PLSCR2: variants seen among roughly 807,000 people sequenced by gnomAD.
PLSCR2 encodes the protein PL scramblase 2.
In PLSCR2, 18 loss-of-function variants were observed where a neutral mutation model predicts 25.3. The ratio of observed to expected loss-of-function variants is 0.71; its 90% CI spans 0.49 to 1.06. PLSCR2 has a LOEUF of 1.06. Ranked by LOEUF, PLSCR2 falls within the 50% of genes least tolerant of loss-of-function variation. PLSCR2 has a pLI of 0.00. For synonymous variants in PLSCR2, 88 were observed against 87.3 expected (o/e 1.01, Z -0.04); for missense variants, 243 against 269.5 (o/e 0.90, Z 0.69).
downstream of PLSCR2, among the ~76,000 whole-genome samples, chr3:146,428,460 C>T (rs575615068): frequency 2.0e-5 from 3 of 152,246 alleles, no homozygotes; most frequent in South Asian, 6.2e-4. Context: ...AAATTTATAA[C>T]CTGTCATTAA....
intron 2 of PLSCR2, among the ~76,000 whole-genome samples, chr3:146,398,110 C>T (rs1009245513): frequency 6.6e-6 from 1 of 151,848 alleles, no homozygotes; most frequent in Non-Finnish European, 1.5e-5. Context: ...TAAACCAACA[C>T]AATATTCTCT....
chr3:146,408,821 C>T lies in PLSCR2; in HGVS notation c.101-12900G>A, dbSNP rs1453233432. Reference sequence around the variant, plus strand: ...GGTTTCCAAGTGGCTCCCTTAATACCCATGAGGAGATACTGGTGAAAATCA... The same window carrying T: ...GGTTTCCAAGTGGCTCCCTTAATACTCATGAGGAGATACTGGTGAAAATCA... On this transcript the variant is annotated intron_variant and NMD_transcript_variant, in intron 2 of 3. Coordinates refer to the PLSCR2 transcript ENST00000463633. Among the ~76,000 whole-genome samples the T allele has an allele frequency of 3.3e-5, 5 of 152,060 alleles. No homozygotes were observed. In the South Asian group the frequency reaches 1.0e-3, roughly 32 times the overall value.
At chr3:146,468,350 G>T (rs1383938654) in intron 1 of PLSCR2, among the ~76,000 whole-genome samples, 1 of 152,198 alleles carries the variant, frequency 6.6e-6, no homozygotes, top group Non-Finnish European at 1.5e-5. Flanking sequence ...CAAACCGCCT[G>T]ACACTTCTAA....
chr3:146,400,934 G>T (rs1262570286), intron 2 of PLSCR2, among the ~76,000 whole-genome samples: 1 of 151,862 alleles, frequency 6.6e-6, no homozygotes, highest in Non-Finnish European at 1.5e-5. Context: ...ACAAATCATG[G>T]TGTTTAAACA....
chr3:146,445,537 T>C (rs772368342), intron 6 of PLSCR2, among the ~76,000 whole-genome samples: 4 of 152,156 alleles, frequency 2.6e-5, no homozygotes, highest in Admixed American at 6.6e-5. Flanking sequence ...CTTGCTTTTA[T>C]GTTATTTTTT....
At chr3:146,488,408 A>G (rs2043423671) in intron 1 of PLSCR2, among the ~76,000 whole-genome samples, 1 of 152,186 alleles carries the variant, frequency 6.6e-6, no homozygotes, top group Non-Finnish European at 1.5e-5. Context: ...TGAGTGAGAG[A>G]AAAGTTTTGC....
intron 2 of PLSCR2, among the ~76,000 whole-genome samples, chr3:146,409,536 C>T (rs946095587): frequency 2.0e-5 from 3 of 152,006 alleles, no homozygotes; most frequent in African/African-American, 4.8e-5. Flanking sequence ...TCAGGGTGGC[C>T]GGGAGTTGCA....
chr3:146,460,506 C>G (rs910771671), upstream of PLSCR2, among the ~76,000 whole-genome samples: 1 of 150,852 alleles, frequency 6.6e-6, no homozygotes, highest in African/African-American at 2.4e-5. Flanking sequence ...CCAAAGGCAC[C>G]CTGTGAAAAA....
At chr3:146,481,216 T>C (rs954343510) in intron 1 of PLSCR2, among the ~76,000 whole-genome samples, 3 of 152,112 alleles carry the variant, frequency 2.0e-5, no homozygotes, top group African/African-American at 7.2e-5. Context: ...CAATATAGTG[T>C]TGGAAGTTCT....
At chr3:146,462,570 A>G (rs964178640), upstream of PLSCR2, among the ~76,000 whole-genome samples, 1 of 150,824 alleles carries the variant, frequency 6.6e-6, no homozygotes, top group South Asian at 2.1e-4. Context: ...CGTTCAAGCG[A>G]TTCTCGTGCC....
chr3:146,490,628 G>T (rs2043514833), intron 1 of PLSCR2, among the ~76,000 whole-genome samples: 1 of 151,954 alleles, frequency 6.6e-6, no homozygotes. Flanking sequence ...TGACTTTTTA[G>T]GTTATTTACA....
At chr3:146,427,482 C>G (rs2039396180) in intron 2 of PLSCR2, among the ~76,000 whole-genome samples, 2 of 152,116 alleles carry the variant, frequency 1.3e-5, no homozygotes, top group Admixed American at 1.3e-4. Flanking sequence ...ACATGGCTAA[C>G]AAGGCACTGC....
intron 2 of PLSCR2, among the ~76,000 whole-genome samples, chr3:146,427,541 C>T (rs550247873): frequency 3.3e-5 from 5 of 152,264 alleles, no homozygotes; most frequent in South Asian, 2.1e-4. Flanking sequence ...TGCCCAGCAC[C>T]GGCAATGCAC....
chr3:146,435,835 GAA>G (rs1465326371), intron 8 of PLSCR2, among the ~76,000 whole-genome samples: 1 of 152,308 alleles, frequency 6.6e-6, no homozygotes, highest in African/African-American at 2.4e-5. Flanking sequence ...TTTTAGTCAT[GAA>G]GTACTTGCCC....
downstream of PLSCR2, among the ~76,000 whole-genome samples, chr3:146,429,580 C>G (rs2039470755): frequency 6.6e-6 from 1 of 152,010 alleles, no homozygotes. Flanking sequence ...CTTCTAACAG[C>G]CTACACAGAT....
At chr3:146,458,088 G>T (rs555928919) in intron 3 of PLSCR2, among the ~76,000 whole-genome samples, 1 of 152,306 alleles carries the variant, frequency 6.6e-6, no homozygotes, top group East Asian at 1.9e-4. Flanking sequence ...ACATTGTACT[G>T]CTTAGGAAAT....
chr3:146,436,957 C>G (rs1232460539), downstream of PLSCR2, among the ~76,000 whole-genome samples: 5 of 152,104 alleles, frequency 3.3e-5, no homozygotes, highest in Admixed American at 3.3e-4. Context: ...CCATCAATAT[C>G]TAGTTTATTG....
intron 1 of PLSCR2, among the ~76,000 whole-genome samples, chr3:146,474,661 T>C (rs1205051307): frequency 6.6e-6 from 1 of 152,146 alleles, no homozygotes; most frequent in African/African-American, 2.4e-5. Context: ...CTGTATTTCC[T>C]TAATTTTCAT....
intron 1 of PLSCR2, among the ~76,000 whole-genome samples, chr3:146,474,516 G>T (rs1405416671): frequency 1.3e-5 from 2 of 152,044 alleles, no homozygotes. Context: ...TTTATCTGAT[G>T]GGCTTCCCGT....
Sources: gnomAD v4.1 joint callset for allele counts (sites outside exome capture counted in the v4.1 genomes callset) on GRCh38, gnomAD v4.1.1 for gene constraint, MANE v1.5 for transcripts, NCBI Gene and HGNC (gene_info 2026-07-23, HGNC 2026-07-21) for gene names.